Variants in MCC observed in about 807,000 individuals in gnomAD.
MCC encodes the protein colorectal mutant cancer protein.
Under a neutral mutation model 116.2 loss-of-function variants are expected in MCC, and 90 were observed. That is an observed-to-expected ratio of 0.77 (90% CI 0.65 to 0.92). MCC has a LOEUF of 0.92. Ranked by LOEUF, MCC falls within the 40% of genes least tolerant of loss-of-function variation. The probability of loss-of-function intolerance (pLI) is 0.00; values close to 1 mark genes in which losing one functional copy is unlikely to be tolerated. For synonymous variants in MCC, 578 were observed against 510.5 expected (o/e 1.13, Z -1.78); for missense variants, 1,516 against 1,312.2 (o/e 1.16, Z -2.40).
chr5:113,239,256 T>C (rs1382571400), intron 3 of MCC, among the ~76,000 whole-genome samples: 1 of 152,116 alleles, frequency 6.6e-6, no homozygotes, highest in Non-Finnish European at 1.5e-5. Flanking sequence ...GAAAAACATG[T>C]TCCATGTTTC....
intron 3 of MCC, among the ~76,000 whole-genome samples, chr5:113,273,675 G>A (rs1029303545): frequency 3.3e-5 from 5 of 152,142 alleles, no homozygotes; most frequent in Non-Finnish European, 7.4e-5. Context: ...AAGTAGGTAT[G>A]GGGTGGTGCC....
Position 113,024,032 on chromosome 5 carries a change from TTAGAGTGG to T in MCC, c.*3262_*3269del, listed in dbSNP as rs1750353146. ...ACTTTCAGATAGTTTCATGTTTTCC[TTAGAGTGG>T]TAACTTTCTTTACTACTCCTTAACA... On this transcript the variant is annotated 3_prime_UTR_variant, in exon 19 of 19. Coordinates refer to ENST00000408903, the MANE Select transcript of MCC (RefSeq NM_001085377.2). 2.2e-5 allele frequency: 2 copies of T among 89,598 alleles called. No individual in the cohort carries two copies. The highest frequency in any genetic ancestry group is 9.9e-5 in the African/African-American group (2 of 20,138). The allele number at this position is 89,598 out of a possible 1,614,324, so 5.6% of individuals were successfully genotyped here.
intron 8 of MCC, among the ~76,000 whole-genome samples, chr5:113,101,238 A>C (rs111715574): frequency 6.6e-6 from 1 of 152,220 alleles, no homozygotes; most frequent in East Asian, 1.9e-4. Flanking sequence ...ATATGCACAC[A>C]ATGTACAAGA....
intron 2 of MCC, among the ~76,000 whole-genome samples, chr5:113,358,539 ATATTGTC>A (rs1768468961): frequency 1.3e-5 from 2 of 152,080 alleles, no homozygotes; most frequent in African/African-American, 4.8e-5. Context: ...GTATCTTATG[ATATTGTC>A]TATGTTTAGT....
intron 5 of MCC, among the ~76,000 whole-genome samples, chr5:113,125,215 G>A (rs1757975032): frequency 1.3e-5 from 2 of 152,194 alleles, no homozygotes; most frequent in Non-Finnish European, 2.9e-5. Context: ...AAAATACAAT[G>A]TGGAAAGTCT....
chr5:113,362,850 T>G (rs778587958), intron 2 of MCC, among the ~76,000 whole-genome samples: 2 of 152,174 alleles, frequency 1.3e-5, no homozygotes, highest in Non-Finnish European at 2.9e-5. Context: ...TTTTTTACAC[T>G]AATGGGATGA....
chr5:113,242,094 C>T (rs1581304504), intron 3 of MCC, among the ~76,000 whole-genome samples: 1 of 148,684 alleles, frequency 6.7e-6, no homozygotes, highest in African/African-American at 2.5e-5. Context: ...CTAACCTAAT[C>T]CCACATCATA....
At position 113,238,259 on chromosome 5, in the gene MCC, G is replaced by A. The variant is rs146019448; in HGVS notation, c.628-86837C>T. 5.3e-3 allele frequency among the ~76,000 whole-genome samples: 799 copies of A among 151,962 alleles called. 9 individuals carry two copies. The highest frequency in any genetic ancestry group is 0.018 in the African/African-American group (748 of 41,392). ...ACTTTTCAGAAAGGCAGTAATATTT[G>A]GAAACATTTTTTCCTGTTTTTTTTA... On this transcript the variant is annotated intron_variant, in intron 3 of 18. Transcript: ENST00000408903.
At chr5:113,332,412 A>G (rs1767720645) in intron 3 of MCC, among the ~76,000 whole-genome samples, 1 of 151,434 alleles carries the variant, frequency 6.6e-6, no homozygotes. Flanking sequence ...AAGGTGATTT[A>G]AAGAAGGATA....
chr5:113,221,030 A>G (rs6878004), intron 3 of MCC, among the ~76,000 whole-genome samples: 2,915 of 152,270 alleles, frequency 0.019, 106 homozygotes, highest in African/African-American at 0.066. Flanking sequence ...TGGCAAAACC[A>G]TGTCTCTACC....
intron 6 of MCC, among the ~76,000 whole-genome samples, chr5:113,105,587 G>A (rs1306475586): frequency 2.6e-5 from 4 of 152,076 alleles, no homozygotes; most frequent in African/African-American, 9.7e-5. Flanking sequence ...GAGCTCTGAG[G>A]CAACCTTCTA....
chr5:113,067,815 T>C (rs1403451773), intron 13 of MCC, among the ~76,000 whole-genome samples: 1 of 152,254 alleles, frequency 6.6e-6, no homozygotes, highest in Non-Finnish European at 1.5e-5. Flanking sequence ...CTCAGCTCCA[T>C]CTGGCCCCAC....
chr5:113,405,841 T>C (rs1486819647), intron 1 of MCC, among the ~76,000 whole-genome samples: 1 of 152,104 alleles, frequency 6.6e-6, no homozygotes, highest in East Asian at 1.9e-4. Flanking sequence ...AGTTGTAGTT[T>C]TGTACCGTAA....
intron 4 of MCC, among the ~76,000 whole-genome samples, chr5:113,150,352 C>A (rs1382325573): frequency 1.3e-5 from 2 of 152,084 alleles, no homozygotes. Flanking sequence ...AAATCCCATA[C>A]AAAGTTATAC....
chr5:113,116,345 C>T (rs1022230902), intron 6 of MCC, among the ~76,000 whole-genome samples: 19 of 152,114 alleles, frequency 1.2e-4, no homozygotes, highest in African/African-American at 4.3e-4. Context: ...AGCAAGGTCC[C>T]GAAGTTATTT....
At chr5:113,419,599 T>C (rs1419753292) in intron 1 of MCC, among the ~76,000 whole-genome samples, 1 of 151,930 alleles carries the variant, frequency 6.6e-6, no homozygotes, top group African/African-American at 2.4e-5. Context: ...TGAAATACAA[T>C]AGCAAAGACT....
chr5:113,424,754 A>C (rs910096719), intron 1 of MCC, among the ~76,000 whole-genome samples: 1 of 152,144 alleles, frequency 6.6e-6, no homozygotes, highest in African/African-American at 2.4e-5. Context: ...AAGCACACCC[A>C]GAGAATAACA....
chr5:113,289,871 T>C (rs1348724310), intron 3 of MCC, among the ~76,000 whole-genome samples: 2 of 152,222 alleles, frequency 1.3e-5, no homozygotes, highest in African/African-American at 4.8e-5. Context: ...GACCCTGCTC[T>C]TCTTACGCTT....
intron 15 of MCC, among the ~76,000 whole-genome samples, chr5:113,050,857 C>A (rs1425469272): frequency 6.6e-6 from 1 of 152,224 alleles, no homozygotes; most frequent in Non-Finnish European, 1.5e-5. Context: ...GGGGGCTTAA[C>A]ATTACCCAAG....
Sources: allele counts gnomAD v4.1 joint callset (sites outside exome capture counted in the v4.1 genomes callset), GRCh38; gene constraint gnomAD v4.1.1; transcripts MANE v1.5; gene names NCBI Gene and HGNC (gene_info 2026-07-23, HGNC 2026-07-21).